The following ARHGAP15 variants were observed in gnomAD, a reference collection of about 807,000 sequenced individuals.
ARHGAP15 encodes the protein rho GTPase-activating protein 15.
A neutral mutation model predicts 63.7 loss-of-function variants in ARHGAP15; 51 were observed. The observed-to-expected ratio is 0.80, with a 90% CI of 0.64 to 1.01. ARHGAP15 has a LOEUF of 1.01. Ranked by LOEUF, ARHGAP15 falls within the 50% of genes least tolerant of loss-of-function variation. The pLI is 0.00. For missense variants in ARHGAP15, 560 were observed against 564.6 expected (o/e 0.99, Z 0.08); for synonymous variants, 191 against 193.8 (o/e 0.99, Z 0.12).
At position 143,231,164 on chromosome 2, in the gene ARHGAP15, C is replaced by T. The variant is rs1428495219; in HGVS notation, c.384+2496C>T. On this transcript the variant is annotated intron_variant, in intron 5 of 13. Coordinates refer to ENST00000295095, the MANE Select transcript of ARHGAP15 (RefSeq NM_018460.4). ...TACCTGTGAAATGGGCATAGTGATA[C>T]CTGCCAACAGAATTAGTAAGGAATG... Among the ~76,000 whole-genome samples the T allele has an allele frequency of 4.7e-5, 7 of 148,488 alleles. No homozygotes were observed. In the Admixed American group the frequency reaches 4.8e-4, roughly 10 times the overall value.
intron 13 of ARHGAP15, among the ~76,000 whole-genome samples, chr2:143,767,625 A>G (rs1014387061): frequency 3.9e-5 from 6 of 152,070 alleles, no homozygotes; most frequent in Admixed American, 6.6e-5. Flanking sequence ...GGGTTCTTAT[A>G]TATATATTTT....
chr2:143,666,488 C>A (rs980211821), intron 12 of ARHGAP15, among the ~76,000 whole-genome samples: 1 of 149,896 alleles, frequency 6.7e-6, no homozygotes, highest in Admixed American at 6.7e-5. Context: ...CTAGGCATTA[C>A]CATTCAGGAC....
intron 2 of ARHGAP15, among the ~76,000 whole-genome samples, chr2:143,194,037 A>G (rs925412741): frequency 5.3e-5 from 8 of 152,234 alleles, no homozygotes; most frequent in Non-Finnish European, 1.0e-4. Flanking sequence ...ACAGTTAAAC[A>G]TCATTAAATT....
chr2:143,206,796 A>T (rs1054171513), intron 3 of ARHGAP15, among the ~76,000 whole-genome samples: 35 of 152,230 alleles, frequency 2.3e-4, no homozygotes, highest in African/African-American at 8.4e-4. Flanking sequence ...CAGAAAATAA[A>T]GTACAAAAAT....
chr2:143,165,708 T>A (rs1052060535), intron 2 of ARHGAP15, among the ~76,000 whole-genome samples: 30 of 152,024 alleles, frequency 2.0e-4, no homozygotes, highest in African/African-American at 7.2e-4. Flanking sequence ...TACCACTGTT[T>A]TTAAAGCCAT....
At chr2:143,439,413 ACT>A (rs1369778858) in intron 8 of ARHGAP15, among the ~76,000 whole-genome samples, 2 of 131,726 alleles carry the variant, frequency 1.5e-5, no homozygotes, top group African/African-American at 3.0e-5. Flanking sequence ...ACAGAGCAAG[ACT>A]CTGTCTCAAA....
intron 12 of ARHGAP15, among the ~76,000 whole-genome samples, chr2:143,665,436 C>G (rs1472482060): frequency 3.4e-4 from 23 of 66,812 alleles, no homozygotes; most frequent in Non-Finnish European, 2.1e-4. Flanking sequence ...TAAGAGCTAT[C>G]TATGACAAAC....
chr2:143,627,824 G>A (rs1698896765), intron 12 of ARHGAP15, among the ~76,000 whole-genome samples: 1 of 151,928 alleles, frequency 6.6e-6, no homozygotes, highest in Non-Finnish European at 1.5e-5. Flanking sequence ...GTTTTTGTGG[G>A]GTTTTTTTTC....
At chr2:143,153,673 A>G (rs899023011) in intron 1 of ARHGAP15, among the ~76,000 whole-genome samples, 3 of 151,988 alleles carry the variant, frequency 2.0e-5, no homozygotes, top group Non-Finnish European at 2.9e-5. Context: ...AATGTGATCC[A>G]TACTTGCCTC....
intron 6 of ARHGAP15, among the ~76,000 whole-genome samples, chr2:143,407,417 T>A (rs1044896896): frequency 2.0e-5 from 3 of 151,938 alleles, no homozygotes; most frequent in Non-Finnish European, 4.4e-5. Flanking sequence ...TTAGAAAATG[T>A]AATGACTTTT....
chr2:143,519,263 C>T lies in ARHGAP15; in HGVS notation c.827-3C>T. The stretch of plus-strand genomic sequence containing the variant: ...ATGAAGCTCATCTTTGTTTCTTTTG[C>T]AGATCAAATTTTTGGCTCTCATCTG... On this transcript the variant is annotated splice_region_variant and splice_polypyrimidine_tract_variant and intron_variant, in intron 9 of 13. Coordinates refer to ENST00000295095, the MANE Select transcript of ARHGAP15 (RefSeq NM_018460.4). The T allele has an allele frequency of 1.2e-6, 2 of 1,607,672 alleles. No homozygotes were observed. The highest frequency in any genetic ancestry group is 1.7e-6 in the Non-Finnish European group (2 of 1,174,752).
intron 13 of ARHGAP15, among the ~76,000 whole-genome samples, chr2:143,756,217 A>C (rs1686571416): frequency 6.6e-6 from 1 of 152,222 alleles, no homozygotes; most frequent in African/African-American, 2.4e-5. Flanking sequence ...TGCATACTGA[A>C]AATATTCCTT....
At chr2:143,580,702 GT>G (rs957625650) in intron 11 of ARHGAP15, among the ~76,000 whole-genome samples, 1 of 151,614 alleles carries the variant, frequency 6.6e-6, no homozygotes, top group Non-Finnish European at 1.5e-5. Flanking sequence ...AAATATCCTA[GT>G]TTTTTGTTTT....
chr2:143,347,190 A>G (rs1210194930), intron 6 of ARHGAP15, among the ~76,000 whole-genome samples: 2 of 152,122 alleles, frequency 1.3e-5, no homozygotes, highest in Non-Finnish European at 2.9e-5. Flanking sequence ...TCTAAACACT[A>G]TGAACAAGAA....
chr2:143,413,966 T>TGTGTGTGTGTGTGCGC, intron 6 of ARHGAP15, among the ~76,000 whole-genome samples: 47 of 117,916 alleles, frequency 4.0e-4, no homozygotes, highest in African/African-American at 1.6e-3. Context: ...TGTGTGTGTG[T>TGTGTGTGTGTGTGCGC]GCGCGCTCTC....
At chr2:143,229,597 G>C (rs1307883391) in intron 5 of ARHGAP15, among the ~76,000 whole-genome samples, 1 of 152,178 alleles carries the variant, frequency 6.6e-6, no homozygotes, top group African/African-American at 2.4e-5. Context: ...ACTCCGGGCA[G>C]GAACTAACCT....
At chr2:143,488,865 G>A (rs1297455122) in intron 9 of ARHGAP15, among the ~76,000 whole-genome samples, 2 of 152,102 alleles carry the variant, frequency 1.3e-5, no homozygotes, top group East Asian at 1.9e-4. Flanking sequence ...AGGGTAAAAC[G>A]AGGACCTTGC....
At chr2:143,389,622 A>G (rs146310578) in intron 6 of ARHGAP15, among the ~76,000 whole-genome samples, 2 of 152,312 alleles carry the variant, frequency 1.3e-5, no homozygotes, top group African/African-American at 4.8e-5. Context: ...CTGTTTTGGT[A>G]AGTCCACATG....
rs910725382 is a variant in ARHGAP15 at position 143,441,431 on chromosome 2, A to G, written c.703+4389A>G. Among the ~76,000 whole-genome samples the G allele has an allele frequency of 3.3e-5, 5 of 152,148 alleles. No individual in the cohort carries two copies. In the East Asian group the frequency reaches 9.6e-4, roughly 29 times the overall value. On this transcript the variant is annotated intron_variant, in intron 8 of 13. Transcript: ENST00000295095. ...AGAAAAGCATGCCATTCAGAAATTCAAGTTGATGGGAAGGATTCAGCATTA... is the reference window on the plus strand; with the variant it reads ...AGAAAAGCATGCCATTCAGAAATTCGAGTTGATGGGAAGGATTCAGCATTA...
Sources: allele counts gnomAD v4.1 joint callset (sites outside exome capture counted in the v4.1 genomes callset), GRCh38; gene constraint gnomAD v4.1.1; transcripts MANE v1.5; gene names NCBI Gene and HGNC (gene_info 2026-07-23, HGNC 2026-07-21).